The following SMAP1 variants were observed in gnomAD, a reference collection of about 807,000 sequenced individuals.
SMAP1 encodes the protein stromal membrane-associated protein 1.
A neutral mutation model predicts 58.5 loss-of-function variants in SMAP1; 24 were observed. The observed-to-expected ratio is 0.41, with a 90% CI of 0.30 to 0.58. The LOEUF (loss-of-function observed/expected upper bound fraction) is 0.58. Among genes scored for constraint, SMAP1 ranks in the 20% least tolerant of loss-of-function variants. The pLI is 0.29. For missense variants in SMAP1, 563 were observed against 566.3 expected (o/e 0.99, Z 0.06); for synonymous variants, 216 against 196.6 (o/e 1.10, Z -0.82).
intron 10 of SMAP1, 44 bp downstream of exon 10, chr6:70,858,273 T>A: frequency 9.3e-7 from 1 of 1,073,938 alleles, no homozygotes; most frequent in Non-Finnish European, 1.3e-6. Context: ...TCAAACCAGA[T>A]TTATTTTCTA....
rs143292449 is a variant in SMAP1, at chr6:70,814,859, C to T, written c.576+16122C>T. On this transcript the variant is annotated intron_variant, in intron 6 of 10. Transcript: ENST00000370455. ...TCATTTTATAGTGAACTATCAGTCA[C>T]ACTTACCATCTTATCAACACACTGT... Among the ~76,000 whole-genome samples the T allele has an allele frequency of 3.0e-3, 458 of 152,288 alleles. 3 individuals are homozygous for T. Among genetic ancestry groups the T allele is most frequent in the African/African-American group, 0.01 (427 of 41,578 alleles).
At chr6:70,786,657 A>C (rs555023480) in intron 4 of SMAP1, among the ~76,000 whole-genome samples, 1 of 152,196 alleles carries the variant, frequency 6.6e-6, no homozygotes, top group Non-Finnish European at 1.5e-5. Flanking sequence ...TTATACATCA[A>C]TAACAGACAA....
At chr6:70,671,581 G>GAAAAAC (rs565158933) in intron 1 of SMAP1, among the ~76,000 whole-genome samples, 3 of 152,018 alleles carry the variant, frequency 2.0e-5, no homozygotes, top group Non-Finnish European at 2.9e-5. Flanking sequence ...CCGTCTCAGG[G>GAAAAAC]AAAAACAAAA....
At chr6:70,797,488 A>G (rs1460628693) in intron 5 of SMAP1, among the ~76,000 whole-genome samples, 2 of 152,098 alleles carry the variant, frequency 1.3e-5, no homozygotes, top group East Asian at 1.9e-4. Context: ...TTTTATCATC[A>G]TCGTCTTTAC....
chr6:70,713,784 G>A (rs987148425), intron 1 of SMAP1, among the ~76,000 whole-genome samples: 3 of 152,002 alleles, frequency 2.0e-5, no homozygotes, highest in African/African-American at 2.4e-5. Flanking sequence ...TTCAAGCCCC[G>A]TTTCTTTATT....
intron 5 of SMAP1, among the ~76,000 whole-genome samples, chr6:70,794,312 G>T (rs556208237): frequency 6.6e-6 from 1 of 152,224 alleles, no homozygotes; most frequent in African/African-American, 2.4e-5. Context: ...TCTATGGATG[G>T]GAGTCATCTG....
chr6:70,807,496 G>T (rs1769186997), intron 6 of SMAP1, among the ~76,000 whole-genome samples: 1 of 152,120 alleles, frequency 6.6e-6, no homozygotes. Context: ...ACTTAGTTTA[G>T]ATTTATGTAC....
At chr6:70,699,511 A>G (rs914868556) in intron 1 of SMAP1, among the ~76,000 whole-genome samples, 2 of 152,060 alleles carry the variant, frequency 1.3e-5, no homozygotes, top group Non-Finnish European at 2.9e-5. Flanking sequence ...CACTGGCCCA[A>G]GGTGGGTCCA....
In SMAP1 at chr6:70,668,004, C is replaced by A. The variant is rs768559070; in HGVS notation, c.-20C>A. Reference sequence around the variant, plus strand: ...CCGCCGCCGCCGTAGCTGCCCCAGGCTCCCCGCCCCGCTGCCGAGATGGCG... The same window carrying A: ...CCGCCGCCGCCGTAGCTGCCCCAGGATCCCCGCCCCGCTGCCGAGATGGCG... On this transcript the variant is annotated 5_prime_UTR_variant, in exon 1 of 11. Coordinates refer to ENST00000370455, the MANE Select transcript of SMAP1 (RefSeq NM_001044305.3). 2.5e-6 allele frequency: 4 copies of A among 1,571,720 alleles called. No individual in the cohort carries two copies.
intron 4 of SMAP1, among the ~76,000 whole-genome samples, chr6:70,777,359 C>G (rs1281852052): frequency 6.6e-6 from 1 of 152,172 alleles, no homozygotes; most frequent in Non-Finnish European, 1.5e-5. Context: ...TCCTGCATTT[C>G]TCTGATGATT....
intron 4 of SMAP1, among the ~76,000 whole-genome samples, chr6:70,773,879 C>T (rs923062482): frequency 6.6e-6 from 1 of 152,116 alleles, no homozygotes; most frequent in Non-Finnish European, 1.5e-5. Context: ...TTTGATACTC[C>T]TAATAGTTAA....
chr6:70,753,348 A>T (rs1467631495), intron 2 of SMAP1, among the ~76,000 whole-genome samples: 1 of 152,158 alleles, frequency 6.6e-6, no homozygotes, highest in Non-Finnish European at 1.5e-5. Flanking sequence ...AAATTTTCTT[A>T]CTTTTGCACT....
chr6:70,679,567 ACT>A (rs1766618026), intron 1 of SMAP1, among the ~76,000 whole-genome samples: 1 of 152,210 alleles, frequency 6.6e-6, no homozygotes. Flanking sequence ...AGAAAAAGTA[ACT>A]CTATATACTA....
intron 2 of SMAP1, among the ~76,000 whole-genome samples, chr6:70,736,361 T>A (rs1232079344): frequency 6.6e-6 from 1 of 152,204 alleles, no homozygotes; most frequent in Non-Finnish European, 1.5e-5. Flanking sequence ...CCAAGTTTTT[T>A]ATACTTTTAT....
chr6:70,771,558 G>T (rs919283853), intron 3 of SMAP1, among the ~76,000 whole-genome samples: 2 of 152,210 alleles, frequency 1.3e-5, no homozygotes, highest in African/African-American at 2.4e-5. Context: ...TCCGAGCCAG[G>T]TGTGGGATAT....
chr6:70,798,783 T>A, intron 6 of SMAP1, 46 bp downstream of exon 6: 1 of 1,357,508 alleles, frequency 7.4e-7, no homozygotes, highest in Admixed American at 2.5e-5. Context: ...TACCATTTTA[T>A]TTGTATACTT....
intron 2 of SMAP1, among the ~76,000 whole-genome samples, chr6:70,752,467 TG>T (rs1766319504): frequency 1.3e-5 from 2 of 152,334 alleles, no homozygotes; most frequent in African/African-American, 4.8e-5. Context: ...GCCTGTCTCA[TG>T]GTTGTTTTGA....
At chr6:70,757,047 G>T (rs1247395159) in intron 3 of SMAP1, among the ~76,000 whole-genome samples, 7 of 152,228 alleles carry the variant, frequency 4.6e-5, no homozygotes, top group Admixed American at 1.3e-4. Context: ...CCAAAAAAGA[G>T]CCGGCATTGC....
rs1425675907 is a variant in SMAP1 at position 70,861,119 on chromosome 6, C to T, written c.*785C>T. On this transcript the variant is annotated 3_prime_UTR_variant, in exon 11 of 11. Coordinates refer to ENST00000370455, the MANE Select transcript of SMAP1 (RefSeq NM_001044305.3). ...TAATTGTGTTTACATTTTATGGTGCCTAGTATTGACAAAATGTTATTTCCC... is the reference window on the plus strand; with the variant it reads ...TAATTGTGTTTACATTTTATGGTGCTTAGTATTGACAAAATGTTATTTCCC... 4 of 169,668 alleles carry T rather than the reference C, an allele frequency of 2.4e-5. No homozygotes were observed. The highest frequency in any genetic ancestry group is 9.5e-5 in the African/African-American group (4 of 42,210). 10.5% of individuals were successfully genotyped at this position (169,668 alleles called of 1,614,324 possible).
Sources: gnomAD v4.1 joint callset for allele counts (sites outside exome capture counted in the v4.1 genomes callset) on GRCh38, gnomAD v4.1.1 for gene constraint, MANE v1.5 for transcripts, NCBI Gene and HGNC (gene_info 2026-07-23, HGNC 2026-07-21) for gene names.